METTL8: variants seen among roughly 807,000 people sequenced by gnomAD.
METTL8 encodes the protein methyltransferase 8, tRNA N3-cytidine.
A neutral mutation model predicts 48.7 loss-of-function variants in METTL8; 32 were observed. That is an observed-to-expected ratio of 0.66 (90% CI 0.50 to 0.88). The LOEUF (loss-of-function observed/expected upper bound fraction) is 0.88. Ranked by LOEUF, METTL8 falls within the 40% of genes least tolerant of loss-of-function variation. The pLI is 0.00. For missense variants in METTL8, 464 were observed against 474.4 expected, an observed-to-expected ratio of 0.98 and a Z score of 0.20; for synonymous variants, 136 against 157.1, an observed-to-expected ratio of 0.87 and a Z score of 1.01.
chr2:171,429,561 G>A (rs1692766753), intron 1 of METTL8, among the ~76,000 whole-genome samples: 1 of 152,100 alleles, frequency 6.6e-6, no homozygotes, highest in Non-Finnish European at 1.5e-5. Context: ...CATTTAACTT[G>A]TAAATGTTCG....
At chr2:171,381,072 C>G (rs1047626911) in intron 2 of METTL8, among the ~76,000 whole-genome samples, 13 of 152,000 alleles carry the variant, frequency 8.6e-5, no homozygotes, top group Admixed American at 7.9e-4. Flanking sequence ...CGGAACAGAA[C>G]ACAGACCTCC....
intron 2 of METTL8, among the ~76,000 whole-genome samples, chr2:171,363,817 T>TATATATATATATATGTATATATATA (rs1228494441): frequency 1.5e-5 from 2 of 129,056 alleles, no homozygotes; most frequent in Non-Finnish European, 1.7e-5. Flanking sequence ...TATATATATC[T>TATATATATATATATGTATATATATA]TTTTTTTTTT....
At chr2:171,331,378 G>C (rs1268548749) in intron 6 of METTL8, among the ~76,000 whole-genome samples, 2 of 150,962 alleles carry the variant, frequency 1.3e-5, no homozygotes, top group Admixed American at 1.3e-4. Flanking sequence ...CAAAGTGCTG[G>C]GATTACAGGC....
At chr2:171,353,166 G>C (rs910127451) in intron 3 of METTL8, among the ~76,000 whole-genome samples, 4 of 152,124 alleles carry the variant, frequency 2.6e-5, no homozygotes, top group African/African-American at 9.7e-5. Context: ...CTGGTATGTT[G>C]TATCTTTGTT....
intron 2 of METTL8, among the ~76,000 whole-genome samples, chr2:171,378,905 G>A (rs1030169199): frequency 7.9e-5 from 12 of 152,282 alleles, no homozygotes; most frequent in Admixed American, 2.6e-4. Flanking sequence ...GGATTAAGCG[G>A]AACTGATGGA....
At chr2:171,398,012 T>A (rs183022855) in intron 1 of METTL8, among the ~76,000 whole-genome samples, 1 of 152,152 alleles carries the variant, frequency 6.6e-6, no homozygotes, top group East Asian at 1.9e-4. Context: ...TGTGGAGAAA[T>A]TAGGAAATTG....
At chr2:171,368,596 T>A (rs2105493550) in intron 2 of METTL8, among the ~76,000 whole-genome samples, 1 of 152,352 alleles carries the variant, frequency 6.6e-6, no homozygotes, top group South Asian at 2.1e-4. Flanking sequence ...GATTTTTAAA[T>A]ATTTTATAAT....
chr2:171,339,441 C>T lies in METTL8; in HGVS notation c.349G>A (p.Val117Ile). 1 of 1,613,560 alleles carries T rather than the reference C, an allele frequency of 6.2e-7. No homozygotes were observed. Among genetic ancestry groups the T allele is most frequent in the South Asian group, 1.1e-5 (1 of 91,006 alleles). Residue 117 changes from valine (V) to isoleucine (I), a missense_variant, in exon 4 of 10, where the codon GTT becomes ATT. By Grantham distance (29) the Val-to-Ile change is conservative (BLOSUM62 3). Coordinates refer to ENST00000375258, the MANE Select transcript of METTL8 (RefSeq NM_001321154.2). Reference protein sequence around the residue: ...LLREFPEILPVDQKPEEKARE... With the variant: ...LLREFPEILPIDQKPEEKARE... ...GCCTTCTCTTCAGGTTTTTGATCAA[C>T]TGGAAGAATTTCAGGAAATTCCCTC...
intron 2 of METTL8, among the ~76,000 whole-genome samples, chr2:171,384,992 A>T (rs534615675): frequency 2.6e-4 from 40 of 152,290 alleles, no homozygotes; most frequent in African/African-American, 8.7e-4. Context: ...ATTAAAAAAA[A>T]ATATGGTCAT....
chr2:171,335,068 G>A (rs558461783), intron 5 of METTL8, among the ~76,000 whole-genome samples: 1 of 152,304 alleles, frequency 6.6e-6, no homozygotes, highest in East Asian at 1.9e-4. Flanking sequence ...GACCACTGGG[G>A]TAAAGGAATA....
At chr2:171,361,262 T>TC (rs1488401866) in intron 2 of METTL8, among the ~76,000 whole-genome samples, 1 of 152,036 alleles carries the variant, frequency 6.6e-6, no homozygotes, top group East Asian at 1.9e-4. Flanking sequence ...GCTTTTTTTT[T>TC]TTTGCAATAG....
intron 1 of METTL8, among the ~76,000 whole-genome samples, chr2:171,419,877 T>C (rs548181798): frequency 6.6e-6 from 1 of 152,114 alleles, no homozygotes; most frequent in Non-Finnish European, 1.5e-5. Flanking sequence ...CCCATGTGAC[T>C]GATTTAAATC....
At chr2:171,325,784 G>C (rs1289447638) in intron 9 of METTL8, 57 bp downstream of exon 9, 1 of 1,056,050 alleles carries the variant, frequency 9.5e-7, no homozygotes, top group African/African-American at 1.6e-5. Context: ...TAATCAATGA[G>C]ATAATAACTA....
intron 2 of METTL8, among the ~76,000 whole-genome samples, chr2:171,378,309 T>C (rs1176692482): frequency 6.6e-6 from 1 of 152,074 alleles, no homozygotes; most frequent in Non-Finnish European, 1.5e-5. Flanking sequence ...AAGACAGACT[T>C]TAAACCAACA....
In METTL8 at chr2:171,368,064, C is replaced by T. The variant is rs574870644; in HGVS notation, c.144-7551G>A. Among the ~76,000 whole-genome samples, 38 of 152,342 alleles carry T rather than the reference C, an allele frequency of 2.5e-4. 1 individual carries two copies. The East Asian group carries it at 5.2e-3, about 21-fold the overall frequency. ...ACCAAAATGTGTTAATTGTCATATT[C>T]TCTGCCACCATCCAGTGAGCAGCAA... On this transcript the variant is annotated intron_variant, in intron 2 of 9. Transcript: ENST00000375258.
At chr2:171,375,461 C>G (rs1239334780) in intron 2 of METTL8, among the ~76,000 whole-genome samples, 1 of 152,178 alleles carries the variant, frequency 6.6e-6, no homozygotes, top group South Asian at 2.1e-4. Context: ...CCTCTACATC[C>G]TTATCAACAC....
At chr2:171,374,519 T>C (rs970205521) in intron 2 of METTL8, among the ~76,000 whole-genome samples, 14 of 152,228 alleles carry the variant, frequency 9.2e-5, no homozygotes, top group Non-Finnish European at 2.1e-4. Context: ...TACAGTAAAC[T>C]GTATTCAAAG....
intron 3 of METTL8, among the ~76,000 whole-genome samples, chr2:171,341,724 A>C (rs1254526800): frequency 6.6e-6 from 1 of 152,136 alleles, no homozygotes; most frequent in Non-Finnish European, 1.5e-5. Context: ...ATAATTTCCA[A>C]GATTTGGTGT....
At chr2:171,430,530 T>C (rs943594471) in intron 1 of METTL8, among the ~76,000 whole-genome samples, 16 of 152,034 alleles carry the variant, frequency 1.1e-4, no homozygotes, top group African/African-American at 3.9e-4. Flanking sequence ...GAACTTACAG[T>C]ATAATAAAAA....
Sources: gnomAD v4.1 joint callset for allele counts (sites outside exome capture counted in the v4.1 genomes callset) on GRCh38, gnomAD v4.1.1 for gene constraint, MANE v1.5 for transcripts, NCBI Gene and HGNC (gene_info 2026-07-23, HGNC 2026-07-21) for gene names.